ACOT7: variants seen among roughly 807,000 people sequenced by gnomAD.
ACOT7 encodes acyl-CoA thioesterase 7.
In ACOT7, 12 loss-of-function variants were observed where a neutral mutation model predicts 40.2. The ratio of observed to expected loss-of-function variants is 0.30; its 90% CI spans 0.19 to 0.48. The LOEUF is 0.48. Ranked by LOEUF, ACOT7 falls within the 20% of genes least tolerant of loss-of-function variation. The probability of loss-of-function intolerance (pLI) is 0.99; values close to 1 mark genes in which losing one functional copy is unlikely to be tolerated. For missense variants in ACOT7, 395 were observed against 530.8 expected (o/e 0.74, Z 2.51); for synonymous variants, 228 against 219.5 (o/e 1.04, Z -0.34).
At chr1:6,266,518 G>A (rs1437634716) in intron 8 of ACOT7, among the ~76,000 whole-genome samples, 2 of 152,276 alleles carry the variant, frequency 1.3e-5, no homozygotes, top group Non-Finnish European at 2.9e-5. Flanking sequence ...ACTTCTAACA[G>A]GATCCCAGGT....
chr1:6,358,938 T>A lies in ACOT7; in HGVS notation c.144-9072A>T, dbSNP rs78818585. ...TTGCCTGACCCAGGACTGTCCCAGCTCCCTGCCACACCGGGCTTGGTGGGG... is the reference window on the plus strand; with the variant it reads ...TTGCCTGACCCAGGACTGTCCCAGCACCCTGCCACACCGGGCTTGGTGGGG... On this transcript the variant is annotated intron_variant, in intron 1 of 8. Coordinates refer to ENST00000361521, the MANE Select transcript of ACOT7 (RefSeq NM_007274.4). The surrounding 1 kb of genome is among the most constrained non-coding windows in gnomAD (Gnocchi z 4.1). The A allele has an allele frequency of 8.5e-3, 13,231 of 1,548,532 alleles. 79 individuals are homozygous for A. The highest frequency in any genetic ancestry group is 0.011 in the Non-Finnish European group (12,337 of 1,144,386).
chr1:6,331,449 C>G (rs984704585), intron 4 of ACOT7, among the ~76,000 whole-genome samples: 5 of 152,244 alleles, frequency 3.3e-5, no homozygotes, highest in Admixed American at 3.3e-4. Flanking sequence ...GGGATCCTCG[C>G]CTGGGGCCAA....
At position 6,392,062 on chromosome 1, in the gene ACOT7, C is replaced by T. The variant is rs1467486908; in HGVS notation, c.143+1195G>A. On this transcript the variant is annotated intron_variant, in intron 1 of 8. Coordinates refer to ENST00000361521, the MANE Select transcript of ACOT7 (RefSeq NM_007274.4). ...GTTCCCCCTCTGGAAAAGTCAAAAC[C>T]GACCTTGAGGTAAGGAGAGGCCCTC... is the stretch of plus-strand genomic sequence containing the variant. Among the ~76,000 whole-genome samples the T allele has an allele frequency of 9.9e-5, 15 of 152,024 alleles. 1 individual carries two copies. Among genetic ancestry groups the T allele is most frequent in the South Asian group, 4.2e-4 (2 of 4,816 alleles).
intron 4 of ACOT7, among the ~76,000 whole-genome samples, chr1:6,332,389 T>C (rs1640979713): frequency 6.6e-6 from 1 of 152,140 alleles, no homozygotes; most frequent in African/African-American, 2.4e-5. Flanking sequence ...AGGGAGTACT[T>C]TTAGGCAACG....
intron 1 of ACOT7, among the ~76,000 whole-genome samples, chr1:6,350,321 G>A (rs902072456): frequency 2.6e-5 from 4 of 152,202 alleles, no homozygotes; most frequent in African/African-American, 9.7e-5. Context: ...CGGCTGTTCT[G>A]AGAACTAAAC....
In ACOT7 at chr1:6,274,493, G is replaced by A. The variant is rs750115430; in HGVS notation, c.1014+6609C>T. On this transcript the variant is annotated intron_variant, in intron 8 of 8. Coordinates refer to ENST00000361521, the MANE Select transcript of ACOT7 (RefSeq NM_007274.4). This position sits in a 1 kb window ranked among gnomAD's most constrained non-coding sequence, Gnocchi z 5.9. ...CCAGCCCATGCCACGCTGTCCTCTC[G>A]GCTGGCGCGGGGCTTACCCGGCCCC... 2.1e-4 allele frequency among the ~76,000 whole-genome samples: 32 copies of A among 152,200 alleles called. No individual in the cohort carries two copies. The highest frequency in any genetic ancestry group is 3.7e-4 in the Non-Finnish European group (25 of 68,044).
chr1:6,357,438 C>A (rs909201210), intron 1 of ACOT7, among the ~76,000 whole-genome samples: 1 of 152,188 alleles, frequency 6.6e-6, no homozygotes, highest in Non-Finnish European at 1.5e-5. Context: ...ATTACTGCCC[C>A]CTTCTGACAA....
intron 1 of ACOT7, among the ~76,000 whole-genome samples, chr1:6,381,528 A>T (rs2148480251): frequency 6.6e-6 from 1 of 152,002 alleles, no homozygotes; most frequent in East Asian, 1.9e-4. Context: ...AAAAAACAGA[A>T]AATAACAAGT....
At chr1:6,376,842 G>A (rs1310649630) in intron 1 of ACOT7, among the ~76,000 whole-genome samples, 5 of 151,926 alleles carry the variant, frequency 3.3e-5, no homozygotes, top group East Asian at 3.9e-4. Context: ...CGAACATGGC[G>A]ACAGAGTGAG....
intron 1 of ACOT7, among the ~76,000 whole-genome samples, chr1:6,389,409 C>A (rs1421607249): frequency 1.3e-5 from 2 of 152,104 alleles, no homozygotes; most frequent in Non-Finnish European, 2.9e-5. Context: ...GGCTACAGTC[C>A]CCAGAAAGCC....
chr1:6,334,719 C>T (rs547369414), intron 3 of ACOT7, among the ~76,000 whole-genome samples: 2 of 152,212 alleles, frequency 1.3e-5, no homozygotes, highest in African/African-American at 2.4e-5. Flanking sequence ...AACAGAGGCT[C>T]GTGGCCTGCT....
chr1:6,325,150 G>A (rs1315618362), intron 5 of ACOT7, among the ~76,000 whole-genome samples: 1 of 152,230 alleles, frequency 6.6e-6, no homozygotes, highest in Non-Finnish European at 1.5e-5. Context: ...TGTAATCCCA[G>A]CTCTTTGGGA....
intron 1 of ACOT7, among the ~76,000 whole-genome samples, chr1:6,357,423 G>A (rs932197060): frequency 4.6e-5 from 7 of 152,306 alleles, no homozygotes; most frequent in African/African-American, 1.2e-4. Context: ...CAGGGCAGGC[G>A]GCTCATTACT....
In ACOT7 at chr1:6,288,496, G is replaced by T. The variant is rs1194891724; in HGVS notation, c.829+6368C>A. On this transcript the variant is annotated intron_variant, in intron 7 of 8. Coordinates refer to ENST00000361521, the MANE Select transcript of ACOT7 (RefSeq NM_007274.4). This position sits in a 1 kb window ranked among gnomAD's most constrained non-coding sequence, Gnocchi z 4.3. ...AGCAGACCTGAAGTGCCAGCTGGAGGGGCTCAAGCTGAATGTGGCATGTCA... is the reference window on the plus strand; with the variant it reads ...AGCAGACCTGAAGTGCCAGCTGGAGTGGCTCAAGCTGAATGTGGCATGTCA... Among the ~76,000 whole-genome samples, 2 of 152,182 alleles carry T rather than the reference G, an allele frequency of 1.3e-5. No homozygotes were observed. Among genetic ancestry groups the T allele is most frequent in the African/African-American group, 4.8e-5 (2 of 41,460 alleles).
At chr1:6,312,839 T>G (rs1640377784) in intron 6 of ACOT7, among the ~76,000 whole-genome samples, 2 of 152,204 alleles carry the variant, frequency 1.3e-5, no homozygotes, top group South Asian at 4.1e-4. Flanking sequence ...ATACCTACTA[T>G]GTACCCAAAA....
chr1:6,269,825 C>G (rs2148364039), intron 8 of ACOT7, among the ~76,000 whole-genome samples: 2 of 152,380 alleles, frequency 1.3e-5, no homozygotes, highest in East Asian at 3.9e-4. Flanking sequence ...GAGACAGAGT[C>G]CAGACCAGCC....
chr1:6,306,200 C>A lies in ACOT7; in HGVS notation c.713-11220G>T, dbSNP rs1172624682. The A allele has an allele frequency of 1.3e-6, 1 of 782,752 alleles. No individual in the cohort carries two copies. The highest frequency in any genetic ancestry group is 1.4e-6 in the Non-Finnish European group (1 of 694,166). 48.5% of individuals were successfully genotyped at this position (782,752 alleles called of 1,614,324 possible). A position where few individuals can be genotyped will look rare whatever the true frequency, so the allele number is the denominator to read the frequency against. ...CGTGGCAAGAGAGGGAGAGGGAGAC[C>A]GTGGGGAGAGGGGGAGGGGGAGGGG... On this transcript the variant is annotated intron_variant, in intron 6 of 8. Coordinates refer to ENST00000361521, the MANE Select transcript of ACOT7 (RefSeq NM_007274.4). This position sits in a 1 kb window ranked among gnomAD's most constrained non-coding sequence, Gnocchi z 4.3.
At chr1:6,372,577 G>A (rs1279365694) in intron 1 of ACOT7, among the ~76,000 whole-genome samples, 1 of 130,436 alleles carries the variant, frequency 7.7e-6, no homozygotes, top group Non-Finnish European at 1.5e-5. Flanking sequence ...TTTTTTGAGA[G>A]TCTCGCTCTG....
At chr1:6,342,129 C>T (rs1380790365) in intron 2 of ACOT7, among the ~76,000 whole-genome samples, 1 of 152,194 alleles carries the variant, frequency 6.6e-6, no homozygotes, top group Non-Finnish European at 1.5e-5. Flanking sequence ...TCTCCAGGGA[C>T]TTGGGTCATT....
Sources: gnomAD v4.1 joint callset for allele counts (sites outside exome capture counted in the v4.1 genomes callset) on GRCh38, gnomAD v4.1.1 for gene constraint, Gnocchi (gnomAD v3.1) non-coding constraint, MANE v1.5 for transcripts, NCBI Gene and HGNC (gene_info 2026-07-23, HGNC 2026-07-21) for gene names.